The following ISM2 variants were observed in gnomAD, a reference collection of about 807,000 sequenced individuals.
ISM2 encodes isthmin-2.
ISM2 carries 50 observed loss-of-function variants against 58.0 expected under a neutral mutation model. That is an observed-to-expected ratio of 0.86 (90% confidence interval 0.69 to 1.09). The LOEUF (loss-of-function observed/expected upper bound fraction) is 1.09, where lower values mean the gene tolerates loss of function less well. Among genes scored for constraint, ISM2 ranks in the 50% least tolerant of loss-of-function variants. ISM2 has a pLI of 0.00. For synonymous variants in ISM2, 303 were observed against 312.4 expected, an observed-to-expected ratio of 0.97 and a Z score of 0.32; for missense variants, 723 against 745.0, an observed-to-expected ratio of 0.97 and a Z score of 0.34.
intron 1 of ISM2, among the ~76,000 whole-genome samples, chr14:77,491,691 C>G (rs1296625690): frequency 1.9e-5 from 2 of 105,274 alleles, no homozygotes; most frequent in Non-Finnish European, 3.8e-5. Flanking sequence ...CGCGTCTGGT[C>G]TTTTTTTTTT....
At chr14:77,485,770 T>C (rs2139963928) in intron 1 of ISM2, among the ~76,000 whole-genome samples, 1 of 152,340 alleles carries the variant, frequency 6.6e-6, no homozygotes, top group East Asian at 1.9e-4. Flanking sequence ...TGGACCCTGC[T>C]TCACTCAGGC....
Position 77,475,959 on chromosome 14 carries a change from C to T in ISM2, c.1352G>A (p.Arg451His), listed in dbSNP as rs760288268. 6 of 1,597,920 alleles carry T rather than the reference C, an allele frequency of 3.8e-6. No individual in the cohort carries two copies. Among genetic ancestry groups the T allele is most frequent in the South Asian group, 1.1e-5 (1 of 90,860 alleles). Reference protein sequence around the residue: ...PVSLQDEHQGRSFRWRDASGP... With the variant: ...PVSLQDEHQGHSFRWRDASGP... ...ACTGGCATCCCTCCACCGGAAGCTG[C>T]GGCCCTGGTGCTCGTCCTGTAGGCT... Residue 451 changes from arginine (R) to histidine (H), a missense_variant, in exon 7 of 7, where the codon CGC becomes CAC. Physicochemically the swap from Arg to His is conservative, Grantham distance 29. Transcript: ENST00000342219. This position sits in a 1 kb window ranked among gnomAD's most constrained non-coding sequence, Gnocchi z 4.1.
Position 77,475,926 on chromosome 14 carries a change from C to A in ISM2, c.1385G>T (p.Arg462Leu). 1 of 1,600,086 alleles carries A rather than the reference C, an allele frequency of 6.2e-7. No individual in the cohort carries two copies. Among genetic ancestry groups the A allele is most frequent in the South Asian group, 1.1e-5 (1 of 91,038 alleles). Residue 462 changes from arginine to leucine, a missense_variant, in exon 7 of 7, where the codon CGC becomes CTC. Coordinates refer to ENST00000342219, the MANE Select transcript of ISM2 (RefSeq NM_199296.3). The surrounding 1 kb of genome is among the most constrained non-coding windows in gnomAD (Gnocchi z 4.1). ...SFRWRDASGP[R>L]ERLDIYQPTA... ...GGGCTGGTAGATGTCCAGGCGCTCG[C>A]GAGGGCCACTGGCATCCCTCCACCG...
intron 1 of ISM2, among the ~76,000 whole-genome samples, chr14:77,487,376 G>A (rs1248688561): frequency 4.6e-5 from 7 of 152,154 alleles, no homozygotes; most frequent in Admixed American, 3.9e-4. Flanking sequence ...GCCCTAGCAG[G>A]AGAGAAGCCT....
rs186157756 is a variant in ISM2 at position 77,493,595 on chromosome 14, G to A, written c.141+5058C>T. On this transcript the variant is annotated intron_variant, in intron 1 of 6. Coordinates refer to ENST00000342219, the MANE Select transcript of ISM2 (RefSeq NM_199296.3). Reference sequence around the variant, plus strand: ...TCCTGCCTCAGCCTCCCAAGTAGCTGGGATTATAGGCGCCCACCACCACGC... The same window carrying A: ...TCCTGCCTCAGCCTCCCAAGTAGCTAGGATTATAGGCGCCCACCACCACGC... 6.1e-3 allele frequency among the ~76,000 whole-genome samples: 926 copies of A among 152,060 alleles called. 6 individuals are homozygous for A. The highest frequency in any genetic ancestry group is 0.022 in the African/African-American group (900 of 41,470).
chr14:77,493,643 G>A (rs1332562457), intron 1 of ISM2, among the ~76,000 whole-genome samples: 3 of 151,668 alleles, frequency 2.0e-5, no homozygotes, highest in Non-Finnish European at 4.4e-5. Context: ...TGTATTTTTA[G>A]TGGAGATGGG....
Position 77,475,289 on chromosome 14 carries a change from A to T in ISM2, c.*306T>A, listed in dbSNP as rs2079089256. On this transcript the variant is annotated 3_prime_UTR_variant, in exon 7 of 7. Coordinates refer to ENST00000342219, the MANE Select transcript of ISM2 (RefSeq NM_199296.3). This position sits in a 1 kb window ranked among gnomAD's most constrained non-coding sequence, Gnocchi z 4.1. ...AAGAGCCCAGCTCCCAAGGAGGAGA[A>T]AAATGAGTGGCCAGGGTCCCAGCAG... The T allele has an allele frequency of 4.2e-6, 1 of 238,390 alleles. No individual in the cohort carries two copies. Among genetic ancestry groups the T allele is most frequent in the African/African-American group, 2.2e-5 (1 of 44,448 alleles). 14.8% of individuals were successfully genotyped at this position (238,390 alleles called of 1,614,324 possible).
At position 77,478,692 on chromosome 14, in the gene ISM2, T is replaced by C. The variant is rs1311508587; in HGVS notation, c.997A>G (p.Ser333Gly). The C allele has an allele frequency of 6.2e-7, 1 of 1,612,936 alleles. No homozygotes were observed. The highest frequency in any genetic ancestry group is 2.2e-5 in the East Asian group (1 of 44,796). The change falls in exon 5 of 7, where the codon AGT (serine) becomes GGT (glycine). Residue 333 changes from serine to glycine, a missense_variant. Coordinates refer to ENST00000342219, the MANE Select transcript of ISM2 (RefSeq NM_199296.3). The stretch of plus-strand genomic sequence containing the variant: ...TTCCCACTGCAGGGAGACCAGGGAC[T>C]CCACTCCTTCTGAGGCTCATAGTCT... The part of the protein sequence containing the change: ...SYDYEPQKEW[S>G]PWSPCSGNCS...
Position 77,478,696 on chromosome 14 carries a change from C to G in ISM2, c.993G>C (p.Glu331Asp), listed in dbSNP as rs1207979593. Residue 331 changes from glutamate (E) to aspartate (D), a missense_variant, in exon 5 of 7, where the codon GAG becomes GAC. By Grantham distance (45) the Glu-to-Asp change is conservative. Coordinates refer to ENST00000342219, the MANE Select transcript of ISM2 (RefSeq NM_199296.3). ...SVSYDYEPQK[E>D]WSPWSPCSGN... is the part of the protein sequence containing the mutation. ...CACTGCAGGGAGACCAGGGACTCCACTCCTTCTGAGGCTCATAGTCTGGGT... is the reference window on the plus strand; with the variant it reads ...CACTGCAGGGAGACCAGGGACTCCAGTCCTTCTGAGGCTCATAGTCTGGGT... 3.1e-6 allele frequency: 5 copies of G among 1,613,026 alleles called. No homozygotes were observed. In the South Asian group the frequency reaches 5.5e-5, roughly 18 times the overall value.
At position 77,475,444 on chromosome 14, in the gene ISM2, C is replaced by T. The variant is rs1453823328; in HGVS notation, c.*151G>A. On this transcript the variant is annotated 3_prime_UTR_variant, in exon 7 of 7. Coordinates refer to ENST00000342219, the MANE Select transcript of ISM2 (RefSeq NM_199296.3). This position sits in a 1 kb window ranked among gnomAD's most constrained non-coding sequence, Gnocchi z 4.1. ...CCCACTGAGATATCTGCTTCGGGGTCGCTGGCAGAGGGCACACAGCCTCGG... is the reference window on the plus strand; with the variant it reads ...CCCACTGAGATATCTGCTTCGGGGTTGCTGGCAGAGGGCACACAGCCTCGG... The T allele has an allele frequency of 2.9e-6, 2 of 700,704 alleles. No individual in the cohort carries two copies. The highest frequency in any genetic ancestry group is 4.6e-6 in the Non-Finnish European group (2 of 435,140). The allele number at this position is 700,704 out of a possible 1,614,324, so 43.4% of individuals were successfully genotyped here.
intron 4 of ISM2, among the ~76,000 whole-genome samples, chr14:77,481,921 G>A (rs887604082): frequency 6.6e-6 from 1 of 151,282 alleles, no homozygotes. Context: ...GCAACATAGG[G>A]AGACCTCATC....
intron 6 of ISM2, among the ~76,000 whole-genome samples, chr14:77,476,362 C>T (rs985449825): frequency 4.6e-5 from 7 of 152,214 alleles, no homozygotes; most frequent in African/African-American, 7.2e-5. Context: ...ATGTCCTCTG[C>T]GGTGCCATAT....
chr14:77,478,185 C>T (rs2079109305), intron 6 of ISM2, 57 bp downstream of exon 6: 1 of 1,404,060 alleles, frequency 7.1e-7, no homozygotes, highest in Admixed American at 1.7e-5. Flanking sequence ...AATACCCCAC[C>T]CTCCCCTGAG....
intron 3 of ISM2, 157 bp downstream of exon 3, chr14:77,484,166 C>A: frequency 1.0e-6 from 1 of 952,432 alleles, no homozygotes; most frequent in Non-Finnish European, 1.6e-6. Context: ...CCTCTGCCCC[C>A]TACACCACAG....
intron 1 of ISM2, among the ~76,000 whole-genome samples, chr14:77,487,102 G>T (rs1396337294): frequency 6.6e-6 from 1 of 151,604 alleles, no homozygotes; most frequent in African/African-American, 2.4e-5. Flanking sequence ...AAAATTAGCT[G>T]GGCATGGTGG....
chr14:77,498,627 C>T (rs1231564595), intron 1 of ISM2, 26 bp downstream of exon 1: 14 of 1,428,474 alleles, frequency 9.8e-6, no homozygotes, highest in Non-Finnish European at 9.1e-6. Flanking sequence ...CAGCGCGCTC[C>T]GCAGCCCGGT....
intron 1 of ISM2, among the ~76,000 whole-genome samples, chr14:77,496,042 A>G (rs1251332207): frequency 2.6e-5 from 4 of 151,904 alleles, no homozygotes; most frequent in Admixed American, 2.6e-4. Flanking sequence ...ACGAAACCCC[A>G]TCTCTACTAA....
intron 1 of ISM2, among the ~76,000 whole-genome samples, chr14:77,494,038 A>G (rs1283746474): frequency 6.6e-6 from 1 of 151,976 alleles, no homozygotes; most frequent in Non-Finnish European, 1.5e-5. Context: ...CGGCCTCCCA[A>G]AGTGCTGGGA....
intron 1 of ISM2, among the ~76,000 whole-genome samples, chr14:77,486,022 A>T (rs1356141007): frequency 6.6e-6 from 1 of 152,070 alleles, no homozygotes. Flanking sequence ...TATTCTAAAC[A>T]CTTCATCACT....
Sources: gnomAD v4.1 joint callset for allele counts (sites outside exome capture counted in the v4.1 genomes callset) on GRCh38, gnomAD v4.1.1 for gene constraint, Gnocchi (gnomAD v3.1) non-coding constraint, MANE v1.5 for transcripts, NCBI Gene and HGNC (gene_info 2026-07-23, HGNC 2026-07-21) for gene names.